Variants in CDH19 observed in about 807,000 individuals in gnomAD.
CDH19 encodes cadherin-19.
Under a neutral mutation model 64.2 loss-of-function variants are expected in CDH19, and 67 were observed. That is an observed-to-expected ratio of 1.04 (90% CI 0.86 to 1.28). The LOEUF (loss-of-function observed/expected upper bound fraction) is 1.28, where lower values mean the gene tolerates loss of function less well. Ranked by LOEUF, CDH19 falls within the 50% of genes most tolerant of loss-of-function variation. The pLI, the probability that CDH19 is intolerant of heterozygous loss-of-function variation, is 0.00. For missense variants in CDH19, 1,030 were observed against 929.0 expected, an observed-to-expected ratio of 1.11 and a Z score of -1.41; for synonymous variants, 346 against 319.3, an observed-to-expected ratio of 1.08 and a Z score of -0.89.
At chr18:66,538,800 T>C (rs920202500) in intron 7 of CDH19, among the ~76,000 whole-genome samples, 2 of 152,108 alleles carry the variant, frequency 1.3e-5, no homozygotes, top group Non-Finnish European at 2.9e-5. Context: ...CAGTCCTTGC[T>C]AGTCTTCCAC....
chr18:66,572,972 AT>A (rs1489680147), intron 1 of CDH19, among the ~76,000 whole-genome samples: 1 of 151,658 alleles, frequency 6.6e-6, no homozygotes. Flanking sequence ...ATACAAAATG[AT>A]TGTTCCTGGG....
At chr18:66,602,819 AAATT>A (rs1211182442) in intron 1 of CDH19, among the ~76,000 whole-genome samples, 2 of 151,850 alleles carry the variant, frequency 1.3e-5, no homozygotes, top group Non-Finnish European at 2.9e-5. Flanking sequence ...TTTTAAAAAT[AAATT>A]GTTAGTTATT....
chr18:66,505,389 T>C (rs6566213), intron 11 of CDH19, 87 bp from the exon 12 acceptor site: 271,910 of 1,064,290 alleles, frequency 0.26, 38,548 homozygotes, highest in African/African-American at 0.54. Flanking sequence ...AAGCTCAAGA[T>C]GAGTGCTTAA....
chr18:66,597,720 A>AT (rs1315131913), intron 1 of CDH19, among the ~76,000 whole-genome samples: 7 of 152,140 alleles, frequency 4.6e-5, no homozygotes, highest in Admixed American at 1.3e-4. Flanking sequence ...TCCAGAATCT[A>AT]TAAGGTACTT....
chr18:66,540,942 G>C (rs1324245043), intron 7 of CDH19, among the ~76,000 whole-genome samples: 4 of 151,976 alleles, frequency 2.6e-5, no homozygotes, highest in Non-Finnish European at 5.9e-5. Flanking sequence ...CAGATTGTTT[G>C]GGCTCCTCTA....
chr18:66,524,799 T>C (rs1018446066), intron 9 of CDH19, among the ~76,000 whole-genome samples: 1 of 152,018 alleles, frequency 6.6e-6, no homozygotes, highest in Non-Finnish European at 1.5e-5. Context: ...AAATTGTGTG[T>C]CCTTCATGTT....
chr18:66,599,902 T>C (rs1988996924), intron 1 of CDH19, among the ~76,000 whole-genome samples: 2 of 151,966 alleles, frequency 1.3e-5, no homozygotes, highest in African/African-American at 4.8e-5. Flanking sequence ...GACAGTAAAG[T>C]ATACGTCCAA....
intron 9 of CDH19, among the ~76,000 whole-genome samples, chr18:66,514,449 A>G (rs190287761): frequency 5.7e-4 from 87 of 151,530 alleles, no homozygotes; most frequent in Admixed American, 1.8e-3. Context: ...TTTCTAGGGT[A>G]AGAGTACAGC....
At position 66,516,580 on chromosome 18, in the gene CDH19, T is replaced by C. The variant is rs531308; in HGVS notation, c.1459-4895A>G. Among the ~76,000 whole-genome samples the C allele has an allele frequency of 3.0e-3, 458 of 152,166 alleles. 2 individuals carry two copies. The highest frequency in any genetic ancestry group is 0.01 in the Middle Eastern group (3 of 294). ...GTTTTTTCACCATTTTCAAGAGGGC[T>C]ATATATTCTCCTCGCTACTCTCCAT... On this transcript the variant is annotated intron_variant, in intron 9 of 11. Coordinates refer to ENST00000262150, the MANE Select transcript of CDH19 (RefSeq NM_021153.4).
chr18:66,544,861 G>T lies in CDH19; in HGVS notation c.818C>A (p.Thr273Asn). ...ATATGCCATGATTGTTCCTATAGAA[G>T]TCCCAGTGGGTGCAGATTCAGAGAC... ...LTVSESAPTGTSIGTIMAYDN... is the reference protein window; with the variant it reads ...LTVSESAPTGNSIGTIMAYDN... Residue 273 changes from threonine to asparagine, a missense_variant, in exon 6 of 12, where the codon ACT becomes AAT. Thr to Asn is a moderately conservative substitution (Grantham distance 65, BLOSUM62 0). Transcript: ENST00000262150. 6 of 1,611,826 alleles carry T rather than the reference G, an allele frequency of 3.7e-6. No homozygotes were observed. Among genetic ancestry groups the T allele is most frequent in the South Asian group, 2.2e-5 (2 of 90,472 alleles).
At chr18:66,549,718 T>C (rs1436240781) in intron 5 of CDH19, among the ~76,000 whole-genome samples, 1 of 152,140 alleles carries the variant, frequency 6.6e-6, no homozygotes, top group Non-Finnish European at 1.5e-5. Context: ...AATCAAAAGA[T>C]CTGATAACCT....
intron 5 of CDH19, among the ~76,000 whole-genome samples, chr18:66,548,629 G>A (rs1362555774): frequency 6.6e-6 from 1 of 152,156 alleles, no homozygotes; most frequent in East Asian, 1.9e-4. Context: ...TATCAGAACT[G>A]AGAATTGACA....
intron 3 of CDH19, among the ~76,000 whole-genome samples, chr18:66,565,507 G>A (rs983840105): frequency 2.0e-5 from 3 of 151,860 alleles, no homozygotes; most frequent in African/African-American, 7.3e-5. Flanking sequence ...GAATAAAGTA[G>A]CTGGCTAGGA....
At chr18:66,573,028 G>A (rs1302758396) in intron 1 of CDH19, among the ~76,000 whole-genome samples, 1 of 151,576 alleles carries the variant, frequency 6.6e-6, no homozygotes, top group Non-Finnish European at 1.5e-5. Context: ...GATATGAAAT[G>A]TATCTTCTAG....
intron 5 of CDH19, among the ~76,000 whole-genome samples, chr18:66,548,464 A>G (rs1987219859): frequency 6.9e-6 from 1 of 145,448 alleles, no homozygotes; most frequent in Non-Finnish European, 1.5e-5. Context: ...GGCCTGACTC[A>G]CAAATGTTCC....
intron 9 of CDH19, among the ~76,000 whole-genome samples, chr18:66,525,731 T>C (rs762009955): frequency 6.6e-6 from 1 of 152,142 alleles, no homozygotes; most frequent in Non-Finnish European, 1.5e-5. Context: ...TAAACTATCA[T>C]GTATACAGCA....
At chr18:66,575,729 A>G (rs1353929578) in intron 1 of CDH19, among the ~76,000 whole-genome samples, 1 of 151,854 alleles carries the variant, frequency 6.6e-6, no homozygotes, top group Non-Finnish European at 1.5e-5. Context: ...AGAAGAAATA[A>G]AATAATACTA....
chr18:66,582,038 T>C (rs1988437426), intron 1 of CDH19, among the ~76,000 whole-genome samples: 1 of 152,130 alleles, frequency 6.6e-6, no homozygotes, highest in Non-Finnish European at 1.5e-5. Flanking sequence ...CACTGTACTT[T>C]ATTGAATGGA....
chr18:66,554,660 G>A (rs1252922689), intron 3 of CDH19, 136 bp from the exon 4 acceptor site: 2 of 576,826 alleles, frequency 3.5e-6, no homozygotes, highest in Non-Finnish European at 5.6e-6. Context: ...GTTCTTAATT[G>A]TAAAAGTAAT....
Sources: gnomAD v4.1 joint callset for allele counts (sites outside exome capture counted in the v4.1 genomes callset) on GRCh38, gnomAD v4.1.1 for gene constraint, MANE v1.5 for transcripts, NCBI Gene and HGNC (gene_info 2026-07-23, HGNC 2026-07-21) for gene names.